DARS1: variants seen among roughly 807,000 people sequenced by gnomAD.
DARS1 encodes aspartyl-tRNA synthetase 1.
In DARS1, 51 loss-of-function variants were observed where a neutral mutation model predicts 68.8. The observed-to-expected ratio is 0.74, with a 90% confidence interval of 0.59 to 0.94. The LOEUF (loss-of-function observed/expected upper bound fraction) is 0.94. Among genes scored for constraint, DARS1 ranks in the 40% least tolerant of loss-of-function variants. The pLI, the probability that DARS1 is intolerant of heterozygous loss-of-function variation, is 0.00. For missense variants in DARS1, 607 were observed against 597.3 expected (o/e 1.02, Z -0.17); for synonymous variants, 203 against 190.4 (o/e 1.07, Z -0.55).
At chr2:135,964,722 T>G (rs2104836801) in intron 3 of DARS1, among the ~76,000 whole-genome samples, 1 of 150,500 alleles carries the variant, frequency 6.6e-6, no homozygotes, top group Middle Eastern at 3.4e-3. Flanking sequence ...GTGCCTGTAA[T>G]ACCAACTACT....
At position 135,951,310 on chromosome 2, in the gene DARS1, G is replaced by A. The variant is rs1681833760; in HGVS notation, c.321-7830C>T. ...CATATGGGAAGATGAGCCCATCTCA[G>A]TTCCAAAGAGTGGGTCATGTGTACT... On this transcript the variant is annotated intron_variant, in intron 4 of 15. Transcript: ENST00000264161. Among the ~76,000 whole-genome samples the A allele has an allele frequency of 2.0e-5, 3 of 152,292 alleles. 1 individual carries two copies. The South Asian group carries it at 6.2e-4, about 32-fold the overall frequency.
chr2:135,920,383 AAG>A, intron 10 of DARS1, 68 bp downstream of exon 10: 1 of 1,502,460 alleles, frequency 6.7e-7, no homozygotes, highest in Non-Finnish European at 8.9e-7. Flanking sequence ...GTTTAAATTG[AAG>A]AATTTTTTTT....
intron 4 of DARS1, among the ~76,000 whole-genome samples, chr2:135,944,108 T>C (rs1337360555): frequency 2.0e-5 from 3 of 152,300 alleles, no homozygotes; most frequent in South Asian, 2.1e-4. Flanking sequence ...AGCTTATTTT[T>C]ATAATAACTT....
At chr2:135,929,018 T>C (rs1183156252) in intron 7 of DARS1, among the ~76,000 whole-genome samples, 1 of 152,230 alleles carries the variant, frequency 6.6e-6, no homozygotes, top group Non-Finnish European at 1.5e-5. Context: ...GCTGTATGTG[T>C]TCAGGTTAAC....
chr2:135,915,000 CA>C (rs1680975259), intron 11 of DARS1: 1 of 152,078 alleles, frequency 6.6e-6, no homozygotes, highest in Non-Finnish European at 1.5e-5. Flanking sequence ...TATGTAAAAA[CA>C]ATTTCTAAAA....
rs1045311868 is a variant in DARS1 at position 135,906,520 on chromosome 2, T to A, written c.*796A>T. Among the ~76,000 whole-genome samples, 6 of 152,194 alleles carry A rather than the reference T, an allele frequency of 3.9e-5. No homozygotes were observed. The highest frequency in any genetic ancestry group is 1.4e-4 in the African/African-American group (6 of 41,450). On this transcript the variant is annotated 3_prime_UTR_variant, in exon 16 of 16. Transcript: ENST00000264161. The stretch of plus-strand genomic sequence containing the variant: ...CAAGCTGTCAACTTTAAGAGCTCTA[T>A]CCCTACGCCCATCTAAACTAATATC...
intron 4 of DARS1, among the ~76,000 whole-genome samples, chr2:135,946,555 A>G (rs956923306): frequency 2.0e-5 from 3 of 152,196 alleles, no homozygotes; most frequent in Non-Finnish European, 4.4e-5. Flanking sequence ...CTCAATGGGT[A>G]ATCTTGAGCA....
chr2:135,984,923 G>A (rs1682736601), intron 1 of DARS1, among the ~76,000 whole-genome samples: 2 of 152,120 alleles, frequency 1.3e-5, no homozygotes, highest in Non-Finnish European at 2.9e-5. Context: ...AATGACATGT[G>A]TTCTTTAAAG....
At chr2:135,912,639 T>C (rs1459368902) in intron 12 of DARS1, 73 bp from the exon 13 acceptor site, 1 of 631,256 alleles carries the variant, frequency 1.6e-6, no homozygotes, top group African/African-American at 1.9e-5. Flanking sequence ...TAATTAACTT[T>C]ATACAAAAAT....
intron 4 of DARS1, among the ~76,000 whole-genome samples, chr2:135,959,498 T>C (rs1187196635): frequency 6.6e-6 from 1 of 151,310 alleles, no homozygotes. Context: ...AAGATGTTCT[T>C]TAATTTTATG....
Position 135,950,717 on chromosome 2 carries a change from A to G in DARS1, c.321-7237T>C, listed in dbSNP as rs1302969469. The stretch of plus-strand genomic sequence containing the variant: ...GAGGTCAGTGAAACAACGAAAACAC[A>G]GGCACAGCCCATAAACCTCTATTTT... On this transcript the variant is annotated intron_variant, in intron 4 of 15. Transcript: ENST00000264161. Among the ~76,000 whole-genome samples the G allele has an allele frequency of 4.6e-5, 7 of 152,364 alleles. No homozygotes were observed. In the East Asian group the frequency reaches 1.3e-3, roughly 29 times the overall value.
rs772120020 is a variant in DARS1, at chr2:135,911,187, T to C, written c.1366A>G (p.Ile456Val). Residue 456 changes from isoleucine to valine, a missense_variant, in exon 15 of 16, where the codon ATT becomes GTT. By Grantham distance (29) the Ile-to-Val change is conservative. Coordinates refer to ENST00000264161, the MANE Select transcript of DARS1 (RefSeq NM_001349.4). ...GGGGCTCCAAAGCGGAAGGAATCAA[T>C]GTAAGCCTTAATTTTCTCCAAATCT... ...GIDLEKIKAYIDSFRFGAPPH... is the reference protein window; with the variant it reads ...GIDLEKIKAYVDSFRFGAPPH... 6.5e-7 allele frequency: 1 copy of C among 1,544,894 alleles called. No individual in the cohort carries two copies. The highest frequency in any genetic ancestry group is 1.1e-5 in the South Asian group (1 of 89,478).
intron 10 of DARS1, among the ~76,000 whole-genome samples, chr2:135,917,138 C>A (rs1159762423): frequency 6.6e-6 from 1 of 151,292 alleles, no homozygotes; most frequent in Non-Finnish European, 1.5e-5. Flanking sequence ...CCAGCCTGGG[C>A]GACAGAGCAA....
At chr2:135,977,914 G>A (rs758735083) in intron 3 of DARS1, among the ~76,000 whole-genome samples, 4 of 151,970 alleles carry the variant, frequency 2.6e-5, no homozygotes, top group Non-Finnish European at 2.9e-5. Context: ...AGGCCAAGGC[G>A]AGAGGATCAC....
Position 135,912,417 on chromosome 2 carries a change from A to G in DARS1, c.1230+69T>C, listed in dbSNP as rs1368775720. The G allele has an allele frequency of 7.3e-6, 5 of 684,556 alleles. No individual in the cohort carries two copies. In the African/African-American group the frequency reaches 9.3e-5, roughly 13 times the overall value. 42.4% of individuals were successfully genotyped at this position (684,556 alleles called of 1,614,324 possible). The stretch of plus-strand genomic sequence containing the variant: ...TAATGAAAACCATTATTCCTATTAT[A>G]CAATCTGACAGTGACAATAAAATTT... On this transcript the variant is annotated intron_variant, in intron 13 of 15. Transcript: ENST00000264161.
intron 9 of DARS1, among the ~76,000 whole-genome samples, chr2:135,921,879 GC>G (rs1681115765): frequency 6.6e-6 from 1 of 152,180 alleles, no homozygotes. Context: ...TATATAAGCA[GC>G]AGGTGTTCAA....
chr2:135,979,308 C>G lies in DARS1; in HGVS notation c.183G>C (p.Trp61Cys). ...TGCTTGTATGAACTCTTGCACGTACCCAAACAACTTCATCAGCTTTTTGTA... is the reference window on the plus strand; with the variant it reads ...TGCTTGTATGAACTCTTGCACGTACGCAAACAACTTCATCAGCTTTTTGTA... ...LTIQKADEVV[W>C]VRARVHTSRA... Residue 61 changes from tryptophan to cysteine, a missense_variant, in exon 3 of 16, where the codon TGG (tryptophan) becomes TGC (cysteine). Physicochemically the swap from Trp to Cys is radical, Grantham distance 215. Coordinates refer to ENST00000264161, the MANE Select transcript of DARS1 (RefSeq NM_001349.4). 1 of 1,517,034 alleles carries G rather than the reference C, an allele frequency of 6.6e-7. No homozygotes were observed. The highest frequency in any genetic ancestry group is 9.2e-7 in the Non-Finnish European group (1 of 1,091,286). 94.0% of individuals were successfully genotyped at this position (1,517,034 alleles called of 1,614,324 possible).
intron 4 of DARS1, among the ~76,000 whole-genome samples, chr2:135,956,868 A>G (rs550897363): frequency 6.6e-6 from 1 of 151,842 alleles, no homozygotes; most frequent in East Asian, 1.9e-4. Flanking sequence ...GATTCCAGCA[A>G]TTCTCCTGCC....
Position 135,963,657 on chromosome 2 carries a change from C to T in DARS1, c.218-2159G>A, listed in dbSNP as rs575574452. ...AAAGTGCTGGGATTACAGGTGTGAGCCATCGCGCCTGGCCTATTAATGACT... is the reference window on the plus strand; with the variant it reads ...AAAGTGCTGGGATTACAGGTGTGAGTCATCGCGCCTGGCCTATTAATGACT... On this transcript the variant is annotated intron_variant, in intron 3 of 15. Coordinates refer to ENST00000264161, the MANE Select transcript of DARS1 (RefSeq NM_001349.4). 4.6e-4 allele frequency among the ~76,000 whole-genome samples: 70 copies of T among 151,286 alleles called. 1 individual carries two copies. Among genetic ancestry groups the T allele is most frequent in the South Asian group, 3.6e-3 (17 of 4,768 alleles).
Sources: allele counts gnomAD v4.1 joint callset (sites outside exome capture counted in the v4.1 genomes callset), GRCh38; gene constraint gnomAD v4.1.1; transcripts MANE v1.5; gene names NCBI Gene and HGNC (gene_info 2026-07-23, HGNC 2026-07-21).